Variants in LRMDA observed in about 807,000 individuals in gnomAD.
The protein encoded by LRMDA is leucine-rich melanocyte differentiation-associated protein.
Under a neutral mutation model 29.8 loss-of-function variants are expected in LRMDA, and 18 were observed. The observed-to-expected ratio is 0.60, with a 90% CI of 0.42 to 0.90. The LOEUF (loss-of-function observed/expected upper bound fraction) is 0.90, where lower values mean the gene tolerates loss of function less well. LRMDA is among the 40% of genes least tolerant of loss of function. LRMDA has a pLI of 0.00. For synonymous variants in LRMDA, 125 were observed against 109.4 expected (o/e 1.14, Z -0.89); for missense variants, 273 against 273.9 (o/e 1.00, Z 0.02).
chr10:76,416,560 G>C (rs1055851020), intron 6 of LRMDA, among the ~76,000 whole-genome samples: 1 of 152,180 alleles, frequency 6.6e-6, no homozygotes, highest in Non-Finnish European at 1.5e-5. Context: ...CAGTGGTTAT[G>C]TGCTCAACAC....
intron 2 of LRMDA, among the ~76,000 whole-genome samples, chr10:75,848,898 A>G (rs1008451984): frequency 1.3e-5 from 2 of 152,044 alleles, no homozygotes; most frequent in Non-Finnish European, 2.9e-5. Context: ...GCTGTCTATC[A>G]CAGGGGCTGT....
chr10:76,241,507 A>G (rs1011046306), intron 5 of LRMDA, among the ~76,000 whole-genome samples: 1 of 152,130 alleles, frequency 6.6e-6, no homozygotes, highest in African/African-American at 2.4e-5. Flanking sequence ...TCCATATAGT[A>G]ATTGCTTGAA....
intron 2 of LRMDA, among the ~76,000 whole-genome samples, chr10:75,506,307 T>G (rs778853962): frequency 6.6e-6 from 1 of 152,174 alleles, no homozygotes; most frequent in Non-Finnish European, 1.5e-5. Flanking sequence ...TTTGTTCCAC[T>G]TCCTGCCACT....
chr10:76,135,464 T>C (rs10824371), intron 5 of LRMDA, among the ~76,000 whole-genome samples: 22,757 of 152,256 alleles, frequency 0.15, 2,028 homozygotes, highest in Admixed American at 0.22. Flanking sequence ...ACCTATTTGG[T>C]ATTCATTTTG....
intron 2 of LRMDA, among the ~76,000 whole-genome samples, chr10:75,565,581 G>C (rs967615867): frequency 1.4e-4 from 21 of 151,094 alleles, no homozygotes; most frequent in African/African-American, 4.4e-4. Context: ...TGAAGTATGC[G>C]AGAGAACTGC....
intron 2 of LRMDA, among the ~76,000 whole-genome samples, chr10:75,741,781 C>A (rs551027245): frequency 1.3e-5 from 2 of 152,292 alleles, no homozygotes; most frequent in East Asian, 3.9e-4. Context: ...GCACAGCCAA[C>A]CTTCCTGTTA....
chr10:76,025,494 C>G (rs143259474), intron 2 of LRMDA, among the ~76,000 whole-genome samples: 19 of 151,960 alleles, frequency 1.3e-4, no homozygotes, highest in Admixed American at 6.6e-4. Flanking sequence ...CCAAGCCCAG[C>G]GTCTCTGTCT....
At chr10:76,040,065 A>G (rs1034640244) in intron 3 of LRMDA, among the ~76,000 whole-genome samples, 31 of 152,172 alleles carry the variant, frequency 2.0e-4, no homozygotes, top group African/African-American at 6.3e-4. Context: ...CTAGGAGTGG[A>G]TGAGCTCTCT....
intron 5 of LRMDA, among the ~76,000 whole-genome samples, chr10:76,065,998 C>G (rs1848778689): frequency 2.6e-5 from 4 of 152,224 alleles, no homozygotes; most frequent in Admixed American, 2.6e-4. Context: ...CAGCCAACCA[C>G]AGACCTCTAC....
At chr10:75,777,300 A>G (rs187202589) in intron 2 of LRMDA, among the ~76,000 whole-genome samples, 113 of 152,244 alleles carry the variant, frequency 7.4e-4, no homozygotes, top group Non-Finnish European at 1.0e-3. Flanking sequence ...TTTGTCTTCA[A>G]TCTCCCAGAG....
intron 6 of LRMDA, among the ~76,000 whole-genome samples, chr10:76,442,978 C>T (rs912515913): frequency 4.6e-5 from 7 of 152,060 alleles, no homozygotes; most frequent in Non-Finnish European, 5.9e-5. Context: ...TTCAATTTTA[C>T]GGTATACAAA....
At chr10:76,293,279 C>A (rs1840372172) in intron 5 of LRMDA, among the ~76,000 whole-genome samples, 1 of 152,188 alleles carries the variant, frequency 6.6e-6, no homozygotes. Flanking sequence ...CCATGCCCAG[C>A]CTAGTCTGTG....
intron 2 of LRMDA, among the ~76,000 whole-genome samples, chr10:75,488,362 A>G (rs1402284375): frequency 6.6e-6 from 1 of 152,196 alleles, no homozygotes; most frequent in Non-Finnish European, 1.5e-5. Flanking sequence ...GGAAGAAAAT[A>G]GTCTGAAAGC....
At chr10:76,544,415 C>T (rs759085818) in intron 6 of LRMDA, among the ~76,000 whole-genome samples, 13 of 152,248 alleles carry the variant, frequency 8.5e-5, no homozygotes, top group Non-Finnish European at 1.9e-4. Context: ...CCTGGTACCA[C>T]CCACTGTCAG....
At position 76,169,271 on chromosome 10, in the gene LRMDA, G is replaced by C. The variant is rs11001657; in HGVS notation, c.516+110488G>C. Among the ~76,000 whole-genome samples, 972 of 152,276 alleles carry C rather than the reference G, an allele frequency of 6.4e-3. 10 individuals carry two copies. Among genetic ancestry groups the C allele is most frequent in the African/African-American group, 0.022 (896 of 41,554 alleles). On this transcript the variant is annotated intron_variant, in intron 5 of 6. Transcript: ENST00000611255. ...TGCTTTCAGTTCCCAGAATAATTCA[G>C]CTCAAGGGAATATTGACATTTTTGT...
chr10:75,907,258 T>C (rs1845773632), intron 2 of LRMDA, among the ~76,000 whole-genome samples: 1 of 152,220 alleles, frequency 6.6e-6, no homozygotes, highest in African/African-American at 2.4e-5. Flanking sequence ...GTTTAGTGTA[T>C]ATAAAATTTG....
intron 2 of LRMDA, among the ~76,000 whole-genome samples, chr10:75,537,498 C>T (rs1310350981): frequency 6.6e-6 from 1 of 152,212 alleles, no homozygotes. Context: ...CCTGACTGTA[C>T]AGCTCTCAGC....
At chr10:76,488,649 T>C (rs1208228837) in intron 6 of LRMDA, among the ~76,000 whole-genome samples, 1 of 151,922 alleles carries the variant, frequency 6.6e-6, no homozygotes, top group Non-Finnish European at 1.5e-5. Flanking sequence ...TTTCACATGG[T>C]ACATTTACAT....
At chr10:75,717,899 C>T (rs1842521132) in intron 2 of LRMDA, among the ~76,000 whole-genome samples, 1 of 151,934 alleles carries the variant, frequency 6.6e-6, no homozygotes, top group Admixed American at 6.6e-5. Context: ...AACATTTGCC[C>T]TACTTATTGG....
Sources: allele counts gnomAD v4.1 joint callset (sites outside exome capture counted in the v4.1 genomes callset), GRCh38; gene constraint gnomAD v4.1.1; transcripts MANE v1.5; gene names NCBI Gene and HGNC (gene_info 2026-07-23, HGNC 2026-07-21).